Variants in MATN2 observed in about 807,000 individuals in gnomAD.
The protein encoded by MATN2 is matrilin-2.
Under a neutral mutation model 103.2 loss-of-function variants are expected in MATN2, and 69 were observed. The ratio of observed to expected loss-of-function variants is 0.67; its 90% CI spans 0.55 to 0.82. The LOEUF (loss-of-function observed/expected upper bound fraction) is 0.82. MATN2 is among the 40% of genes least tolerant of loss of function. The pLI is 0.00. For missense variants in MATN2, 1,023 were observed against 1,211.5 expected (o/e 0.84, Z 2.31); for synonymous variants, 429 against 450.2 (o/e 0.95, Z 0.60).
At chr8:97,941,161 C>CAAAAAAAAAAAAAAAAAAAAAA (rs1186024165) in intron 3 of MATN2, among the ~76,000 whole-genome samples, 6 of 77,986 alleles carry the variant, frequency 7.7e-5, no homozygotes, top group Non-Finnish European at 1.4e-4. Flanking sequence ...GACCTTGTCT[C>CAAAAAAAAAAAAAAAAAAAAAA]AAAAAAAAAA....
At position 98,009,758 on chromosome 8, in the gene MATN2, A is replaced by C. The variant is rs572542574; in HGVS notation, c.1573+2157A>C. ...GGGGGGTCGGGGAGGGGATGGGGCG[A>C]TCTCTTTTACCAGCTGCAGCTGCGC... On this transcript the variant is annotated intron_variant, in intron 10 of 18. Transcript: ENST00000254898. 4.6e-5 allele frequency among the ~76,000 whole-genome samples: 7 copies of C among 152,142 alleles called. No homozygotes were observed. In the South Asian group the frequency reaches 8.3e-4, roughly 18 times the overall value.
intron 2 of MATN2, among the ~76,000 whole-genome samples, chr8:97,923,096 A>T (rs932345795): frequency 2.0e-5 from 3 of 151,522 alleles, no homozygotes; most frequent in African/African-American, 7.3e-5. Context: ...GGTCTGTTCC[A>T]TCTAGGAATA....
intron 2 of MATN2, among the ~76,000 whole-genome samples, chr8:97,893,726 G>A (rs1422214345): frequency 2.0e-5 from 3 of 152,088 alleles, no homozygotes; most frequent in South Asian, 4.1e-4. Context: ...ACAGGTGCCT[G>A]CCACCACGCC....
chr8:98,001,358 C>T (rs947582329), intron 7 of MATN2, among the ~76,000 whole-genome samples: 4 of 151,868 alleles, frequency 2.6e-5, no homozygotes, highest in African/African-American at 9.7e-5. Flanking sequence ...CTCTTGGTTA[C>T]AAGATGGTTG....
At chr8:97,972,240 A>G (rs1302640593) in intron 5 of MATN2, among the ~76,000 whole-genome samples, 1 of 148,952 alleles carries the variant, frequency 6.7e-6, no homozygotes, top group East Asian at 2.0e-4. Flanking sequence ...TGGGAGGCTG[A>G]GGTGGGAGGA....
At chr8:97,899,301 C>T (rs1818910252) in intron 2 of MATN2, among the ~76,000 whole-genome samples, 1 of 152,172 alleles carries the variant, frequency 6.6e-6, no homozygotes, top group African/African-American at 2.4e-5. Flanking sequence ...TGGTACACAG[C>T]AGGTATTCCA....
At chr8:97,930,157 C>A (rs563405095) in intron 2 of MATN2, among the ~76,000 whole-genome samples, 2 of 152,340 alleles carry the variant, frequency 1.3e-5, no homozygotes, top group East Asian at 3.9e-4. Context: ...TTGACCCCAG[C>A]CCATTCATAT....
At chr8:98,030,342 C>G (rs936184872) in intron 14 of MATN2, 120 bp from the exon 15 acceptor site, 1 of 711,204 alleles carries the variant, frequency 1.4e-6, no homozygotes, top group Non-Finnish European at 2.3e-6. Flanking sequence ...GGAAGGTTGG[C>G]ATGGACTCTT....
At chr8:97,969,961 C>A (rs896868736) in intron 5 of MATN2, among the ~76,000 whole-genome samples, 16 of 152,206 alleles carry the variant, frequency 1.1e-4, no homozygotes, top group African/African-American at 3.9e-4. Flanking sequence ...TGATGCAGGG[C>A]AGGCAAGTCC....
intron 4 of MATN2, chr8:97,952,359 T>G (rs1810982495): frequency 6.6e-6 from 1 of 152,240 alleles, no homozygotes; most frequent in South Asian, 2.1e-4. Context: ...GATTAAACTG[T>G]CATTGGTGTC....
At chr8:97,963,010 C>T (rs1209045729) in intron 5 of MATN2, among the ~76,000 whole-genome samples, 1 of 152,112 alleles carries the variant, frequency 6.6e-6, no homozygotes, top group East Asian at 1.9e-4. Flanking sequence ...TAGTGTGCCC[C>T]TGTATTTTCA....
intron 13 of MATN2, among the ~76,000 whole-genome samples, chr8:98,026,905 T>G (rs370024333): frequency 1.7e-3 from 253 of 152,292 alleles, no homozygotes; most frequent in African/African-American, 5.7e-3. Context: ...AATTTTTGGT[T>G]GAATAAATTA....
chr8:97,879,395 G>A lies in MATN2; in HGVS notation c.-26-8680G>A, dbSNP rs754553528. ...GAGGTGGGCAGTGGCCAGTCAAGGAGGGCCTTGAATGTTAACATTGCACAG... is the reference window on the plus strand; with the variant it reads ...GAGGTGGGCAGTGGCCAGTCAAGGAAGGCCTTGAATGTTAACATTGCACAG... On this transcript the variant is annotated intron_variant, in intron 1 of 18. Coordinates refer to ENST00000254898, the MANE Select transcript of MATN2 (RefSeq NM_002380.5). Among the ~76,000 whole-genome samples, 4 of 152,308 alleles carry A rather than the reference G, an allele frequency of 2.6e-5. No individual in the cohort carries two copies. The East Asian group carries it at 7.7e-4, about 29-fold the overall frequency.
intron 2 of MATN2, among the ~76,000 whole-genome samples, chr8:97,930,011 C>T (rs1202545962): frequency 9.2e-5 from 14 of 152,226 alleles, no homozygotes. Flanking sequence ...CCCTCTACTA[C>T]AAGGTCTCAT....
At chr8:98,031,808 C>G (rs552280211) in intron 15 of MATN2, 1 of 155,064 alleles carries the variant, frequency 6.4e-6, no homozygotes, top group South Asian at 2.0e-4. Flanking sequence ...TGTCTTACCC[C>G]TCTAGGGAAA....
rs375963488 is a variant in MATN2, at chr8:97,978,962, G to A, written c.1035G>A (p.Gln345=). 2.5e-4 allele frequency: 397 copies of A among 1,613,564 alleles called. 3 individuals are homozygous for A. In the African/African-American group the frequency reaches 4.4e-3, roughly 18 times the overall value. The part of the protein sequence containing the change: ...CVNADGSYLC[Q]CHEGFALNPD... The stretch of plus-strand genomic sequence containing the variant: ...ATGCTGATGGCTCCTACCTTTGCCA[G>A]TGCCATGAAGGATTTGCTCTTAACC... Residue 345 remains glutamine (Q), a synonymous_variant, in exon 6 of 19, where the codon CAG becomes CAA. Coordinates refer to ENST00000254898, the MANE Select transcript of MATN2 (RefSeq NM_002380.5).
chr8:97,953,919 G>T (rs1352150330), intron 4 of MATN2, among the ~76,000 whole-genome samples: 2 of 151,990 alleles, frequency 1.3e-5, no homozygotes, highest in Non-Finnish European at 2.9e-5. Flanking sequence ...CCTAGATTGT[G>T]CCATTGCACT....
chr8:97,957,378 G>A (rs1811176913), intron 4 of MATN2, among the ~76,000 whole-genome samples: 1 of 152,224 alleles, frequency 6.6e-6, no homozygotes, highest in Admixed American at 6.5e-5. Context: ...GCCACTGCCA[G>A]AAAAACAGCA....
chr8:98,010,933 A>G (rs1489215522), intron 10 of MATN2, among the ~76,000 whole-genome samples: 1 of 152,120 alleles, frequency 6.6e-6, no homozygotes, highest in Non-Finnish European at 1.5e-5. Flanking sequence ...AGGCTAGGGG[A>G]GTGTCTTAGT....
Sources: gnomAD v4.1 joint callset for allele counts (sites outside exome capture counted in the v4.1 genomes callset) on GRCh38, gnomAD v4.1.1 for gene constraint, MANE v1.5 for transcripts, NCBI Gene and HGNC (gene_info 2026-07-23, HGNC 2026-07-21) for gene names.